The following CTNNA3 variants were observed in gnomAD, a reference collection of about 807,000 sequenced individuals.
CTNNA3 encodes the protein catenin alpha 3.
Under a neutral mutation model 95.7 loss-of-function variants are expected in CTNNA3, and 76 were observed. The observed-to-expected ratio is 0.79, with a 90% CI of 0.66 to 0.96. The LOEUF is 0.96. CTNNA3 is among the 40% of genes least tolerant of loss of function. The pLI, the probability that CTNNA3 is intolerant of heterozygous loss-of-function variation, is 0.00. For missense variants in CTNNA3, 1,191 were observed against 1,089.8 expected, an observed-to-expected ratio of 1.09 and a Z score of -1.31; for synonymous variants, 431 against 374.4, an observed-to-expected ratio of 1.15 and a Z score of -1.74.
chr10:66,819,837 G>T (rs1212883679), intron 7 of CTNNA3, among the ~76,000 whole-genome samples: 1 of 151,980 alleles, frequency 6.6e-6, no homozygotes, highest in Non-Finnish European at 1.5e-5. Flanking sequence ...AAATAAAAAG[G>T]GTTGGCCAGG....
intron 11 of CTNNA3, among the ~76,000 whole-genome samples, chr10:66,477,651 G>A (rs991994416): frequency 6.6e-6 from 1 of 151,804 alleles, no homozygotes; most frequent in Non-Finnish European, 1.5e-5. Context: ...TGGAGGGGAA[G>A]GTATAGTTTA....
intron 3 of CTNNA3, among the ~76,000 whole-genome samples, chr10:67,546,334 TG>T (rs1479964548): frequency 1.3e-5 from 2 of 152,124 alleles, no homozygotes; most frequent in African/African-American, 2.4e-5. Flanking sequence ...GGTCTCTTTT[TG>T]TTGCCCAAGC....
At position 66,038,428 on chromosome 10, in the gene CTNNA3, G is replaced by A. The variant is rs558279747; in HGVS notation, c.2159+30880C>T. 2.0e-5 allele frequency among the ~76,000 whole-genome samples: 3 copies of A among 152,206 alleles called. No individual in the cohort carries two copies. The South Asian group carries it at 6.2e-4, about 32-fold the overall frequency. ...CGTGGCTGCATTGCTGATACCTACA[G>A]TAGACCCCAGCAGACTGACTGCCAG... On this transcript the variant is annotated intron_variant, in intron 15 of 17. Transcript: ENST00000433211.
intron 12 of CTNNA3, among the ~76,000 whole-genome samples, chr10:66,324,747 T>C (rs1340213462): frequency 1.3e-5 from 2 of 152,060 alleles, no homozygotes; most frequent in Non-Finnish European, 2.9e-5. Flanking sequence ...GAAGCCATCA[T>C]TTAACCCGAT....
At chr10:67,389,434 A>T (rs1233215595) in intron 5 of CTNNA3, among the ~76,000 whole-genome samples, 1 of 151,824 alleles carries the variant, frequency 6.6e-6, no homozygotes, top group African/African-American at 2.4e-5. Context: ...ACCTACAAAG[A>T]GACTTAGACT....
chr10:67,403,808 C>G (rs1427721907), intron 5 of CTNNA3, among the ~76,000 whole-genome samples: 1 of 152,218 alleles, frequency 6.6e-6, no homozygotes, highest in African/African-American at 2.4e-5. Context: ...TGGGTGCATT[C>G]AGGCTGGCAA....
At chr10:67,226,461 G>C (rs1322827236) in intron 5 of CTNNA3, among the ~76,000 whole-genome samples, 1 of 152,172 alleles carries the variant, frequency 6.6e-6, no homozygotes, top group African/African-American at 2.4e-5. Context: ...AGAATCTTAA[G>C]AGCTGTGAGA....
At chr10:66,129,054 C>T (rs563907157) in intron 13 of CTNNA3, among the ~76,000 whole-genome samples, 5 of 152,168 alleles carry the variant, frequency 3.3e-5, no homozygotes, top group South Asian at 2.1e-4. Flanking sequence ...CACCTGAGGT[C>T]GGAAGTTCAA....
chr10:66,753,726 C>T lies in CTNNA3; in HGVS notation c.1281+12538G>A, dbSNP rs548125937. On this transcript the variant is annotated intron_variant, in intron 9 of 17. Transcript: ENST00000433211. ...ACAAATAACAAATTATATTTCAATA[C>T]ACTGCAATAAAAAAATCTGAAAATG... 1.6e-3 allele frequency among the ~76,000 whole-genome samples: 245 copies of T among 150,738 alleles called. 1 individual carries two copies. Among genetic ancestry groups the T allele is most frequent in the African/African-American group, 5.6e-3 (231 of 41,034 alleles).
At chr10:66,207,511 C>T (rs2087838940) in intron 13 of CTNNA3, among the ~76,000 whole-genome samples, 2 of 151,988 alleles carry the variant, frequency 1.3e-5, no homozygotes, top group South Asian at 4.1e-4. Context: ...TTTTCCCAAG[C>T]ATTATCCATG....
intron 1 of CTNNA3, among the ~76,000 whole-genome samples, chr10:67,744,142 GA>G (rs1311041860): frequency 6.6e-6 from 1 of 151,052 alleles, no homozygotes; most frequent in Admixed American, 6.6e-5. Flanking sequence ...CACAGAATTG[GA>G]AAAAACTACC....
At chr10:67,170,548 A>C (rs7914341) in intron 7 of CTNNA3, among the ~76,000 whole-genome samples, 45,401 of 152,118 alleles carry the variant, frequency 0.3, 10,004 homozygotes, top group African/African-American at 0.63. Context: ...ATTCTCACTT[A>C]TAAGTGGGAG....
intron 7 of CTNNA3, among the ~76,000 whole-genome samples, chr10:66,877,853 G>A (rs1165708948): frequency 1.3e-5 from 2 of 152,076 alleles, no homozygotes; most frequent in Non-Finnish European, 2.9e-5. Context: ...CCAGAGACAA[G>A]GAAAGTTTGT....
chr10:67,279,531 G>C (rs1839312618), intron 5 of CTNNA3, among the ~76,000 whole-genome samples: 1 of 151,328 alleles, frequency 6.6e-6, no homozygotes, highest in Non-Finnish European at 1.5e-5. Flanking sequence ...GAAAGGGGCA[G>C]ATAGGGTAAT....
At chr10:67,750,928 C>A in intron 1 of CTNNA3, 1 of 1,609,926 alleles carries the variant, frequency 6.2e-7, no homozygotes, top group Non-Finnish European at 8.5e-7. Context: ...CCTAGGCTCT[C>A]CGGATAGACT....
chr10:66,785,579 C>A (rs1056991820), intron 7 of CTNNA3, among the ~76,000 whole-genome samples: 3 of 152,144 alleles, frequency 2.0e-5, no homozygotes, highest in African/African-American at 7.2e-5. Flanking sequence ...CACCCCTTAA[C>A]CTTGTACTAA....
Position 66,894,260 on chromosome 10 carries a change from G to A in CTNNA3, c.1048-118736C>T, listed in dbSNP as rs569220434. Among the ~76,000 whole-genome samples, 5 of 152,134 alleles carry A rather than the reference G, an allele frequency of 3.3e-5. 1 individual carries two copies. In the South Asian group the frequency reaches 1.0e-3, roughly 32 times the overall value. ...ACTTGAGCAGAGTTTTACAGGTAAA[G>A]GAGTTTGAACAGAACTCATGACAGG... On this transcript the variant is annotated intron_variant, in intron 7 of 17. Transcript: ENST00000433211.
chr10:66,646,514 G>A (rs1158931505), intron 9 of CTNNA3, among the ~76,000 whole-genome samples: 1 of 152,078 alleles, frequency 6.6e-6, no homozygotes, highest in African/African-American at 2.4e-5. Flanking sequence ...TGTCTGTATG[G>A]AAATACAGAC....
intron 10 of CTNNA3, among the ~76,000 whole-genome samples, chr10:66,617,555 G>A (rs1180984077): frequency 1.1e-4 from 16 of 152,000 alleles, no homozygotes; most frequent in South Asian, 2.1e-4. Context: ...TTGATGGGAC[G>A]TATCTCAAAA....
Sources: gnomAD v4.1 joint callset for allele counts (sites outside exome capture counted in the v4.1 genomes callset) on GRCh38, gnomAD v4.1.1 for gene constraint, MANE v1.5 for transcripts, NCBI Gene and HGNC (gene_info 2026-07-23, HGNC 2026-07-21) for gene names.